CFAP20DC: variants seen among roughly 807,000 people sequenced by gnomAD.
The protein encoded by CFAP20DC is protein CFAP20DC.
A neutral mutation model predicts 101.7 loss-of-function variants in CFAP20DC; 84 were observed. The observed-to-expected ratio is 0.83, with a 90% confidence interval of 0.69 to 0.99. The LOEUF (loss-of-function observed/expected upper bound fraction) is 0.99, where lower values mean the gene tolerates loss of function less well. Among genes scored for constraint, CFAP20DC ranks in the 50% least tolerant of loss-of-function variants. CFAP20DC has a pLI of 0.00. For synonymous variants in CFAP20DC, 359 were observed against 351.2 expected (o/e 1.02, Z -0.25); for missense variants, 1,007 against 970.3 (o/e 1.04, Z -0.50).
chr3:58,908,323 G>A (rs1008250367), intron 6 of CFAP20DC, among the ~76,000 whole-genome samples: 1 of 152,114 alleles, frequency 6.6e-6, no homozygotes, highest in African/African-American at 2.4e-5. Flanking sequence ...GAAAGAAAGA[G>A]GATTCACCAT....
chr3:58,734,129 ACTCT>A lies in CFAP20DC; in HGVS notation c.198-16505_198-16502del, dbSNP rs369453358. Among the ~76,000 whole-genome samples, 4 of 148,294 alleles carry A rather than the reference ACTCT, an allele frequency of 2.7e-5. No homozygotes were observed. In the East Asian group the frequency reaches 6.0e-4, roughly 22 times the overall value. The stretch of plus-strand genomic sequence containing the variant: ...AAAAGTGTGTAGCACATCCACATTC[ACTCT>A]CTCTCTCTCTCCTGCTCTGCCATGG... On this transcript the variant is annotated intron_variant, in intron 3 of 3. Coordinates refer to the CFAP20DC transcript ENST00000486145.
intron 4 of CFAP20DC, chr3:58,992,576 A>C: frequency 1.0e-6 from 1 of 984,794 alleles, no homozygotes; most frequent in Non-Finnish European, 1.2e-6. Flanking sequence ...GAAGATCTTC[A>C]TATCTCTTGG....
chr3:58,760,589 G>A (rs1480227504), intron 15 of CFAP20DC, among the ~76,000 whole-genome samples: 1 of 152,178 alleles, frequency 6.6e-6, no homozygotes, highest in African/African-American at 2.4e-5. Flanking sequence ...GGAGTGGTGA[G>A]AGAGGGCATC....
intron 13 of CFAP20DC, among the ~76,000 whole-genome samples, chr3:58,837,546 C>T (rs2076822322): frequency 6.6e-6 from 1 of 152,102 alleles, no homozygotes; most frequent in African/African-American, 2.4e-5. Context: ...TGGGTGTGTT[C>T]AGTTTGTGAA....
In CFAP20DC at chr3:59,040,638, T is replaced by C. The variant is rs17060056; in HGVS notation, c.206-1009A>G. On this transcript the variant is annotated intron_variant, in intron 3 of 16. Coordinates refer to ENST00000482387, the MANE Select transcript of CFAP20DC (RefSeq NM_001394063.1). ...CTAAAACTCATGCTATTTTATATTA[T>C]TCCAACTTAGTACGCTTAACAAATT... 3.2e-3 allele frequency among the ~76,000 whole-genome samples: 486 copies of C among 152,176 alleles called. 4 individuals are homozygous for C. The highest frequency in any genetic ancestry group is 0.011 in the African/African-American group (468 of 41,540).
At chr3:58,942,044 C>T (rs1023410306) in intron 4 of CFAP20DC, among the ~76,000 whole-genome samples, 7 of 152,108 alleles carry the variant, frequency 4.6e-5, no homozygotes, top group African/African-American at 1.7e-4. Context: ...TTCCATTCTA[C>T]TTTTTTAGAC....
intron 4 of CFAP20DC, among the ~76,000 whole-genome samples, chr3:58,996,025 T>TCTATCTATC (rs1553760737): frequency 2.0e-5 from 3 of 151,366 alleles, no homozygotes; most frequent in African/African-American, 7.3e-5. Flanking sequence ...TATCTATCTA[T>TCTATCTATC]TGTTTCTGTT....
intron 4 of CFAP20DC, among the ~76,000 whole-genome samples, chr3:58,987,053 T>C (rs918022344): frequency 1.8e-4 from 27 of 152,060 alleles, no homozygotes; most frequent in Non-Finnish European, 3.2e-4. Context: ...AATTTTTTAA[T>C]AAAAAAGGAC....
chr3:58,820,094 C>G (rs1351071871), intron 14 of CFAP20DC, among the ~76,000 whole-genome samples: 2 of 151,770 alleles, frequency 1.3e-5, no homozygotes, highest in Non-Finnish European at 1.5e-5. Context: ...ATTCAACAAC[C>G]CTTCATGCTA....
chr3:58,946,360 G>A (rs1338277940), intron 4 of CFAP20DC, among the ~76,000 whole-genome samples: 1 of 151,706 alleles, frequency 6.6e-6, no homozygotes, highest in East Asian at 1.9e-4. Flanking sequence ...CAGGTGATCC[G>A]CCCACCTTGG....
intron 4 of CFAP20DC, among the ~76,000 whole-genome samples, chr3:59,031,381 G>C (rs944627059): frequency 9.9e-5 from 15 of 152,128 alleles, no homozygotes; most frequent in African/African-American, 3.4e-4. Flanking sequence ...GGTTGTTAAG[G>C]AGCTTAAAAA....
At chr3:58,801,071 G>C (rs1016781054) in intron 15 of CFAP20DC, among the ~76,000 whole-genome samples, 5 of 151,906 alleles carry the variant, frequency 3.3e-5, no homozygotes, top group Non-Finnish European at 5.9e-5. Context: ...GAGAGAGAGA[G>C]AGAAAGTGAG....
At position 58,843,345 on chromosome 3, in the gene CFAP20DC, C is replaced by A. The variant is rs900061979; in HGVS notation, c.1971+5687G>T. 4.1e-3 allele frequency among the ~76,000 whole-genome samples: 624 copies of A among 152,022 alleles called. 3 individuals are homozygous for A. Among genetic ancestry groups the A allele is most frequent in the African/African-American group, 0.014 (598 of 41,428 alleles). ...GAGCTGATGGAGCTGAAAACCAAGGCTCGAGAACTACGTGAAGAATGCAGA... is the reference window on the plus strand; with the variant it reads ...GAGCTGATGGAGCTGAAAACCAAGGATCGAGAACTACGTGAAGAATGCAGA... On this transcript the variant is annotated intron_variant, in intron 13 of 16. Coordinates refer to ENST00000482387, the MANE Select transcript of CFAP20DC (RefSeq NM_001394063.1).
rs1044655645 is a variant in CFAP20DC at position 58,728,496 on chromosome 3, A to G, written c.198-10868T>C. 4.6e-5 allele frequency among the ~76,000 whole-genome samples: 7 copies of G among 152,332 alleles called. No individual in the cohort carries two copies. The South Asian group carries it at 1.5e-3, about 32-fold the overall frequency. On this transcript the variant is annotated intron_variant, in intron 3 of 3. Coordinates refer to the CFAP20DC transcript ENST00000486145. The surrounding 1 kb of genome is among the most constrained non-coding windows in gnomAD (Gnocchi z 4.7). The stretch of plus-strand genomic sequence containing the variant: ...TGCAAGAGAAGATATTCTTTCAGAT[A>G]TTATTTGGGTTAATGAGGAAATTGG...
intron 12 of CFAP20DC, among the ~76,000 whole-genome samples, chr3:58,852,807 C>A (rs373424260): frequency 6.6e-6 from 1 of 150,666 alleles, no homozygotes; most frequent in African/African-American, 2.4e-5. Context: ...ACACAACATA[C>A]CAGAATCTCT....
intron 14 of CFAP20DC, among the ~76,000 whole-genome samples, chr3:58,818,410 G>T (rs2107873564): frequency 6.7e-6 from 1 of 148,654 alleles, no homozygotes; most frequent in South Asian, 2.1e-4. Context: ...CACGTGCAGA[G>T]ACACAGATAG....
chr3:58,829,540 A>C (rs2076258887), intron 14 of CFAP20DC, among the ~76,000 whole-genome samples: 1 of 152,136 alleles, frequency 6.6e-6, no homozygotes, highest in South Asian at 2.1e-4. Context: ...GGTAGTTCCA[A>C]TGTTAGATAG....
chr3:58,939,907 C>A (rs540272695), intron 4 of CFAP20DC, among the ~76,000 whole-genome samples: 1 of 151,870 alleles, frequency 6.6e-6, no homozygotes, highest in African/African-American at 2.4e-5. Context: ...GCTGGGATTA[C>A]CAGCGCGTGA....
At chr3:58,935,337 G>A (rs1270021122) in intron 5 of CFAP20DC, among the ~76,000 whole-genome samples, 1 of 151,886 alleles carries the variant, frequency 6.6e-6, no homozygotes, top group Non-Finnish European at 1.5e-5. Flanking sequence ...TTGTGAAAAT[G>A]GCCATACTGC....
Sources: gnomAD v4.1 joint callset for allele counts (sites outside exome capture counted in the v4.1 genomes callset) on GRCh38, gnomAD v4.1.1 for gene constraint, Gnocchi (gnomAD v3.1) non-coding constraint, MANE v1.5 for transcripts, NCBI Gene and HGNC (gene_info 2026-07-23, HGNC 2026-07-21) for gene names.